Variants in XRCC6 observed in about 807,000 individuals in gnomAD.
XRCC6 encodes the protein DNA repair protein Ku70.
In XRCC6, 5 loss-of-function variants were observed where a neutral mutation model predicts 65.7. That is an observed-to-expected ratio of 0.08 (90% CI 0.04 to 0.16). The LOEUF (loss-of-function observed/expected upper bound fraction) is 0.16, where lower values mean the gene tolerates loss of function less well. XRCC6 is among the 10% of genes least tolerant of loss of function. The probability of loss-of-function intolerance (pLI) is 1.00; values close to 1 mark genes in which losing one functional copy is unlikely to be tolerated. For missense variants in XRCC6, 447 were observed against 738.1 expected (o/e 0.61, Z 4.57); for synonymous variants, 270 against 270.6 (o/e 1.00, Z 0.02).
intron 6 of XRCC6, among the ~76,000 whole-genome samples, chr22:41,642,782 C>T (rs73161324): frequency 0.039 from 5,866 of 152,232 alleles, 174 homozygotes; most frequent in Non-Finnish European, 0.059. Context: ...TTGCATTTAT[C>T]GTCAACTCTC....
In XRCC6 at chr22:41,663,771, A is replaced by C; in HGVS notation, c.1786A>C (p.Lys596Gln). Reference sequence around the variant, plus strand: ...TTACGGGCTGAAGAGTGGGCTGAAGAAGCAGGAGCTGCTGGAAGCCCTCAC... The same window carrying C: ...TTACGGGCTGAAGAGTGGGCTGAAGCAGCAGGAGCTGCTGGAAGCCCTCAC... ...RAYGLKSGLKKQELLEALTKH... is the reference protein window; with the variant it reads ...RAYGLKSGLKQQELLEALTKH... Residue 596 changes from lysine to glutamine, a missense_variant, in exon 13 of 13, where the codon AAG becomes CAG. Physicochemically the swap from Lys to Gln is moderately conservative, Grantham distance 53. Coordinates refer to ENST00000360079, the MANE Select transcript of XRCC6 (RefSeq NM_001469.5). The C allele has an allele frequency of 6.2e-7, 1 of 1,613,728 alleles. No homozygotes were observed. Among genetic ancestry groups the C allele is most frequent in the Non-Finnish European group, 8.5e-7 (1 of 1,179,864 alleles).
intron 3 of XRCC6, among the ~76,000 whole-genome samples, chr22:41,632,800 G>A (rs1355181244): frequency 6.6e-6 from 1 of 150,878 alleles, no homozygotes; most frequent in Non-Finnish European, 1.5e-5. Context: ...TCTAGCCTGG[G>A]CAACAGAGTA....
intron 7 of XRCC6, chr22:41,648,175 C>T (rs58336301): frequency 0.041 from 6,154 of 151,810 alleles, 269 homozygotes; most frequent in African/African-American, 0.094. Context: ...TAAACACCAC[C>T]GCACTTGGAC....
Position 41,661,295 on chromosome 22 carries a change from C to T in XRCC6, c.1523-36C>T, listed in dbSNP as rs765708245. 4 of 1,584,088 alleles carry T rather than the reference C, an allele frequency of 2.5e-6. No individual in the cohort carries two copies. In the South Asian group the frequency reaches 4.5e-5, roughly 18 times the overall value. ...GTGGACAGCAAGCTGGGGCTCGTGA[C>T]TCACCAGGCCACTCTTCTGTGTTTT... On this transcript the variant is annotated intron_variant, in intron 11 of 12. Coordinates refer to ENST00000360079, the MANE Select transcript of XRCC6 (RefSeq NM_001469.5).
At chr22:41,623,101 T>G (rs2067629167) in intron 2 of XRCC6, among the ~76,000 whole-genome samples, 1 of 152,138 alleles carries the variant, frequency 6.6e-6, no homozygotes, top group East Asian at 1.9e-4. Context: ...ATATATATTT[T>G]TTAATTTTTT....
intron 7 of XRCC6, among the ~76,000 whole-genome samples, chr22:41,649,160 A>ATATATATATATATATATATATATATG (rs1376197191): frequency 7.9e-6 from 1 of 125,870 alleles, no homozygotes; most frequent in Admixed American, 8.9e-5. Context: ...ATATATATAT[A>ATATATATATATATATATATATATATG]TATGTATGTA....
chr22:41,656,266 A>T (rs1052466156), intron 9 of XRCC6, among the ~76,000 whole-genome samples: 1 of 151,164 alleles, frequency 6.6e-6, no homozygotes, highest in Non-Finnish European at 1.5e-5. Context: ...CACGTCTGTA[A>T]TCCCAGCACT....
At chr22:41,642,035 T>A (rs2067883229) in intron 6 of XRCC6, among the ~76,000 whole-genome samples, 1 of 152,192 alleles carries the variant, frequency 6.6e-6, no homozygotes, top group Admixed American at 6.5e-5. Context: ...GTGATCCACC[T>A]GCCTCAGGAT....
chr22:41,632,517 A>G (rs1319684798), intron 3 of XRCC6, among the ~76,000 whole-genome samples: 2 of 152,098 alleles, frequency 1.3e-5, no homozygotes, highest in Admixed American at 1.3e-4. Flanking sequence ...AGGCTGAGGC[A>G]GGAGAATTGC....
intron 8 of XRCC6, among the ~76,000 whole-genome samples, chr22:41,651,529 A>C (rs1370362802): frequency 6.9e-6 from 1 of 144,134 alleles, no homozygotes; most frequent in Non-Finnish European, 1.5e-5. Context: ...ATATTTTTTT[A>C]ATTTAATTTT....
In XRCC6 at chr22:41,636,239, C is replaced by G; in HGVS notation, c.322C>G (p.Leu108Val). The change falls in exon 4 of 13, where the codon CTG becomes GTG. Residue 108 changes from leucine (L) to valine (V), a missense_variant. Leu to Val is a conservative substitution (Grantham distance 32). Transcript: ENST00000360079. ...TAAAAATATTTACGTCTTACAGGAG[C>G]TGGATAATCCAGGTCAGTAATATTT... ...NFKNIYVLQE[L>V]DNPGAKRILE... The G allele has an allele frequency of 6.3e-7, 1 of 1,591,744 alleles. No homozygotes were observed. Among genetic ancestry groups the G allele is most frequent in the Non-Finnish European group, 8.5e-7 (1 of 1,173,798 alleles).
At chr22:41,633,880 T>C (rs1012989637) in intron 3 of XRCC6, among the ~76,000 whole-genome samples, 1 of 152,194 alleles carries the variant, frequency 6.6e-6, no homozygotes, top group African/African-American at 2.4e-5. Flanking sequence ...TAATAAGTAT[T>C]CAGTAGTTGA....
Position 41,647,035 on chromosome 22 carries a change from A to G in XRCC6, c.913A>G (p.Thr305Ala). ...PVKTKTRTFN[T>A]STGGLLLPSD... ...GAAAACCAAGACCCGGACCTTTAAT[A>G]CAAGTACAGGCGGTTTGCTTCTGCC... is the stretch of plus-strand genomic sequence containing the variant. The change falls in exon 7 of 13, where the codon ACA becomes GCA. Residue 305 changes from threonine (T) to alanine (A), a missense_variant. Coordinates refer to ENST00000360079, the MANE Select transcript of XRCC6 (RefSeq NM_001469.5). 2 of 1,614,190 alleles carry G rather than the reference A, an allele frequency of 1.2e-6. No individual in the cohort carries two copies. Among genetic ancestry groups the G allele is most frequent in the Non-Finnish European group, 1.7e-6 (2 of 1,180,040 alleles).
intron 6 of XRCC6, among the ~76,000 whole-genome samples, chr22:41,643,942 G>A (rs1410198823): frequency 2.1e-5 from 3 of 145,874 alleles, no homozygotes; most frequent in African/African-American, 5.2e-5. Flanking sequence ...CTGAGATTGC[G>A]CCACTGCACT....
chr22:41,624,229 T>A (rs1384481333), intron 2 of XRCC6, among the ~76,000 whole-genome samples: 2 of 151,462 alleles, frequency 1.3e-5, no homozygotes, highest in Non-Finnish European at 2.9e-5. Flanking sequence ...TACTAAAAAA[T>A]ACAAAAGTTA....
chr22:41,628,077 A>G, intron 2 of XRCC6, 41 bp from the exon 3 acceptor site: 1 of 1,429,564 alleles, frequency 7.0e-7, no homozygotes, highest in South Asian at 1.2e-5. Context: ...AACAAATACG[A>G]AAACAAGGAC....
At chr22:41,628,448 C>T (rs780618461) in intron 3 of XRCC6, 2 of 371,334 alleles carry the variant, frequency 5.4e-6, no homozygotes, top group Non-Finnish European at 9.8e-6. Flanking sequence ...GTCCTAGCTA[C>T]TCAGGAGGCC....
intron 6 of XRCC6, among the ~76,000 whole-genome samples, chr22:41,645,395 A>G (rs1350659672): frequency 6.6e-6 from 1 of 152,146 alleles, no homozygotes; most frequent in African/African-American, 2.4e-5. Context: ...CTAGGAATCT[A>G]CGTAGCAGGA....
chr22:41,651,100 C>G (rs1045473498), intron 8 of XRCC6, among the ~76,000 whole-genome samples: 2 of 152,104 alleles, frequency 1.3e-5, no homozygotes, highest in Admixed American at 6.6e-5. Flanking sequence ...GAGGTCAGGA[C>G]GAGCCTGGCC....
Sources: allele counts gnomAD v4.1 joint callset (sites outside exome capture counted in the v4.1 genomes callset), GRCh38; gene constraint gnomAD v4.1.1; transcripts MANE v1.5; gene names NCBI Gene and HGNC (gene_info 2026-07-23, HGNC 2026-07-21).